Variants in SLC24A2 observed in about 807,000 individuals in gnomAD.
The protein encoded by SLC24A2 is solute carrier family 24 member 2.
Under a neutral mutation model 62.0 loss-of-function variants are expected in SLC24A2, and 36 were observed. The ratio of observed to expected loss-of-function variants is 0.58; its 90% CI spans 0.44 to 0.77. The LOEUF is 0.77. SLC24A2 is among the 30% of genes least tolerant of loss of function. SLC24A2 has a pLI of 0.00. For missense variants in SLC24A2, 846 were observed against 817.9 expected, an observed-to-expected ratio of 1.03 and a Z score of -0.42; for synonymous variants, 358 against 294.0, an observed-to-expected ratio of 1.22 and a Z score of -2.23.
At chr9:19,661,202 T>G (rs891806229) in intron 2 of SLC24A2, among the ~76,000 whole-genome samples, 17 of 152,182 alleles carry the variant, frequency 1.1e-4, no homozygotes, top group Admixed American at 9.8e-4. Flanking sequence ...ATGACCTTTT[T>G]TTTTTTTGTG....
rs4977545 is a variant in SLC24A2 at position 19,512,748 on chromosome 9, T to C, written c.*3405A>G. 6.6e-6 allele frequency: 1 copy of C among 151,910 alleles called. No individual in the cohort carries two copies. The highest frequency in any genetic ancestry group is 1.5e-5 in the Non-Finnish European group (1 of 67,972). 9.4% of individuals were successfully genotyped at this position (151,910 alleles called of 1,614,324 possible). A position where few individuals can be genotyped will look rare whatever the true frequency, so the allele number is the denominator to read the frequency against. On this transcript the variant is annotated 3_prime_UTR_variant, in exon 11 of 11. Transcript: ENST00000341998. Reference sequence around the variant, plus strand: ...TGCAACTCATTTATTTTAGATTGATTAGTACAATGTTGGCTCTTGAATTGT... The same window carrying C: ...TGCAACTCATTTATTTTAGATTGATCAGTACAATGTTGGCTCTTGAATTGT...
chr9:19,820,680 C>CTGTG, the SLC24A2 span, among the ~76,000 whole-genome samples: 2 of 149,814 alleles, frequency 1.3e-5, no homozygotes, highest in Admixed American at 6.7e-5. Flanking sequence ...ACTAAGGATT[C>CTGTG]TGTGTGTGTG....
At chr9:20,277,853 T>C in the SLC24A2 span, among the ~76,000 whole-genome samples, 3 of 152,196 alleles carry the variant, frequency 2.0e-5, no homozygotes, top group Admixed American at 6.5e-5. Context: ...CCATCAATGA[T>C]AGACTGGATT....
At chr9:19,873,424 TTC>T in the SLC24A2 span, among the ~76,000 whole-genome samples, 9 of 150,014 alleles carry the variant, frequency 6.0e-5, no homozygotes, top group South Asian at 2.1e-4. Flanking sequence ...TTCTTTCTCT[TTC>T]TCTCTCTCCT....
intron 5 of SLC24A2, among the ~76,000 whole-genome samples, chr9:19,578,050 G>C (rs1447307384): frequency 6.6e-6 from 1 of 151,378 alleles, no homozygotes; most frequent in African/African-American, 2.4e-5. Flanking sequence ...GGATGCAAAG[G>C]CATAAGAATA....
chr9:20,231,900 A>G, the SLC24A2 span, among the ~76,000 whole-genome samples: 1 of 152,060 alleles, frequency 6.6e-6, no homozygotes, highest in Non-Finnish European at 1.5e-5. Flanking sequence ...TTATTTTGAG[A>G]TATGTCCCAT....
chr9:19,535,650 A>G (rs997343917), intron 8 of SLC24A2, among the ~76,000 whole-genome samples: 1 of 152,170 alleles, frequency 6.6e-6, no homozygotes, highest in African/African-American at 2.4e-5. Context: ...TTTGTCAAAG[A>G]TTAGATGATT....
chr9:20,170,406 G>A, the SLC24A2 span, among the ~76,000 whole-genome samples: 18 of 152,066 alleles, frequency 1.2e-4, no homozygotes, highest in East Asian at 3.9e-4. Context: ...TCCCTACCTC[G>A]GTGTCCCTCC....
chr9:20,030,452 C>T, the SLC24A2 span, among the ~76,000 whole-genome samples: 4 of 152,096 alleles, frequency 2.6e-5, no homozygotes, highest in Non-Finnish European at 5.9e-5. Context: ...GCAATTGCAC[C>T]ACACAGAAAG....
the SLC24A2 span, among the ~76,000 whole-genome samples, chr9:20,282,176 G>T: frequency 6.6e-6 from 1 of 152,148 alleles, no homozygotes; most frequent in Non-Finnish European, 1.5e-5. Flanking sequence ...ACCAGAGGCT[G>T]CAATTAGCCA....
the SLC24A2 span, among the ~76,000 whole-genome samples, chr9:20,238,870 C>T: frequency 2.6e-5 from 4 of 152,128 alleles, no homozygotes; most frequent in Admixed American, 2.6e-4. Flanking sequence ...AACTAGTGGC[C>T]TTATAAGAAG....
chr9:20,041,590 G>C, the SLC24A2 span, among the ~76,000 whole-genome samples: 9 of 152,210 alleles, frequency 5.9e-5, no homozygotes, highest in African/African-American at 1.9e-4. Flanking sequence ...GAGGGAGAGA[G>C]GGCAGTTACG....
the SLC24A2 span, among the ~76,000 whole-genome samples, chr9:19,936,113 A>C: frequency 6.6e-6 from 1 of 152,100 alleles, no homozygotes; most frequent in Non-Finnish European, 1.5e-5. Context: ...GGCTGCCACC[A>C]TAATAAACCT....
At chr9:19,756,840 A>G (rs1822153042) in intron 2 of SLC24A2, among the ~76,000 whole-genome samples, 1 of 150,324 alleles carries the variant, frequency 6.7e-6, no homozygotes, top group South Asian at 2.1e-4. Context: ...TTTTAGGGAG[A>G]GAAAACGTGA....
chr9:19,526,267 G>A (rs1347232766), intron 9 of SLC24A2, among the ~76,000 whole-genome samples: 1 of 152,088 alleles, frequency 6.6e-6, no homozygotes, highest in Non-Finnish European at 1.5e-5. Context: ...GGACATTTGG[G>A]TTGTTTTCAC....
rs573654294 is a variant in SLC24A2 at position 19,547,836 on chromosome 9, GAGAC to G, written c.1479+2297_1479+2300del. Reference sequence around the variant, plus strand: ...TAAACAGCAGAGCAAGAGAGAGAGAGAGACAGACAGAGAGAGGAGAGACAATGCA... The same window carrying G: ...TAAACAGCAGAGCAAGAGAGAGAGAGAGACAGAGAGAGGAGAGACAATGCA... On this transcript the variant is annotated intron_variant, in intron 8 of 10. Coordinates refer to ENST00000341998, the MANE Select transcript of SLC24A2 (RefSeq NM_020344.4). Among the ~76,000 whole-genome samples the G allele has an allele frequency of 2.6e-5, 4 of 151,700 alleles. No homozygotes were observed. The East Asian group carries it at 5.8e-4, about 22-fold the overall frequency.
the SLC24A2 span, among the ~76,000 whole-genome samples, chr9:20,098,575 C>T: frequency 6.6e-6 from 1 of 152,166 alleles, no homozygotes; most frequent in African/African-American, 2.4e-5. Flanking sequence ...CAGCATTAGG[C>T]CTAAGAGACC....
At chr9:19,955,802 C>T in the SLC24A2 span, among the ~76,000 whole-genome samples, 1 of 152,270 alleles carries the variant, frequency 6.6e-6, no homozygotes, top group Non-Finnish European at 1.5e-5. Flanking sequence ...ACTAGTTTCA[C>T]ATGAACCTCA....
rs185884051 is a variant in SLC24A2 at position 19,543,057 on chromosome 9, A to G, written c.1479+7080T>C. On this transcript the variant is annotated intron_variant, in intron 8 of 10. Transcript: ENST00000341998. ...TCTGGTAGAATTTGGCAGTGAATTCATCTGGTTCTGGACTTTGGTAGGCTA... is the reference window on the plus strand; with the variant it reads ...TCTGGTAGAATTTGGCAGTGAATTCGTCTGGTTCTGGACTTTGGTAGGCTA... Among the ~76,000 whole-genome samples, 12 of 152,274 alleles carry G rather than the reference A, an allele frequency of 7.9e-5. No individual in the cohort carries two copies. In the East Asian group the frequency reaches 2.3e-3, roughly 29 times the overall value.
Sources: gnomAD v4.1 joint callset for allele counts (sites outside exome capture counted in the v4.1 genomes callset) on GRCh38, gnomAD v4.1.1 for gene constraint, MANE v1.5 for transcripts, NCBI Gene and HGNC (gene_info 2026-07-23, HGNC 2026-07-21) for gene names.